The following SNX10 variants were observed in gnomAD, a reference collection of about 807,000 sequenced individuals.
SNX10 encodes the protein sorting nexin 10.
A neutral mutation model predicts 28.5 loss-of-function variants in SNX10; 25 were observed. The ratio of observed to expected loss-of-function variants is 0.88; its 90% CI spans 0.64 to 1.22. The LOEUF is 1.22. Among genes scored for constraint, SNX10 ranks in the 50% most tolerant of loss-of-function variants. The probability of loss-of-function intolerance (pLI) is 0.00; values close to 1 mark genes in which losing one functional copy is unlikely to be tolerated. For missense variants in SNX10, 223 were observed against 242.6 expected (o/e 0.92, Z 0.54); for synonymous variants, 62 against 81.4 (o/e 0.76, Z 1.28).
intron 1 of SNX10, among the ~76,000 whole-genome samples, chr7:26,334,915 C>T (rs1421306333): frequency 6.6e-6 from 1 of 152,202 alleles, no homozygotes; most frequent in Non-Finnish European, 1.5e-5. Context: ...GATGGTTCTG[C>T]TTGCTCTGCA....
intron 1 of SNX10, among the ~76,000 whole-genome samples, chr7:26,326,118 T>C (rs1161389574): frequency 6.6e-6 from 1 of 152,190 alleles, no homozygotes; most frequent in Non-Finnish European, 1.5e-5. Flanking sequence ...GGTGCCGATA[T>C]TTATCTCCAT....
chr7:26,335,999 G>A (rs1231097945), intron 1 of SNX10, among the ~76,000 whole-genome samples: 1 of 152,006 alleles, frequency 6.6e-6, no homozygotes, highest in Non-Finnish European at 1.5e-5. Context: ...CCAAAGTGCT[G>A]GGATTACAGG....
chr7:26,361,995 G>A (rs1042803653), intron 3 of SNX10, among the ~76,000 whole-genome samples: 1 of 152,182 alleles, frequency 6.6e-6, no homozygotes, highest in African/African-American at 2.4e-5. Flanking sequence ...GTAAAATTTA[G>A]CCATTATTTA....
Position 26,372,872 on chromosome 7 carries a change from T to A in SNX10, c.*300T>A, listed in dbSNP as rs1789622144. On this transcript the variant is annotated 3_prime_UTR_variant, in exon 7 of 7. Coordinates refer to ENST00000338523, the MANE Select transcript of SNX10 (RefSeq NM_013322.3). The stretch of plus-strand genomic sequence containing the variant: ...ACATGTTTTAAAAAACCGAGTTGGT[T>A]TTATTGAATTTAAAAAGATAGGTAA... The A allele has an allele frequency of 3.8e-6, 1 of 265,310 alleles. No homozygotes were observed. Among genetic ancestry groups the A allele is most frequent in the South Asian group, 6.9e-5 (1 of 14,566 alleles). The allele number at this position is 265,310 out of a possible 1,614,324, so 16.4% of individuals were successfully genotyped here.
At chr7:26,295,273 G>C (rs938883663) in intron 1 of SNX10, among the ~76,000 whole-genome samples, 4 of 151,864 alleles carry the variant, frequency 2.6e-5, no homozygotes, top group Non-Finnish European at 2.9e-5. Flanking sequence ...TGTTGCCCAG[G>C]CTGGTTTTGA....
intron 2 of SNX10, among the ~76,000 whole-genome samples, chr7:26,351,683 G>A (rs1191412065): frequency 8.3e-6 from 1 of 120,906 alleles, no homozygotes; most frequent in Non-Finnish European, 1.6e-5. Flanking sequence ...TTGAGACCGA[G>A]TCTCTCTCTG....
intron 1 of SNX10, among the ~76,000 whole-genome samples, chr7:26,294,695 T>A (rs556528222): frequency 6.6e-6 from 1 of 152,326 alleles, no homozygotes; most frequent in East Asian, 1.9e-4. Flanking sequence ...GTGTGTCAGA[T>A]TTCTGTTATA....
intron 1 of SNX10, among the ~76,000 whole-genome samples, chr7:26,329,039 G>A (rs1408845395): frequency 6.6e-6 from 1 of 152,180 alleles, no homozygotes; most frequent in Non-Finnish European, 1.5e-5. Flanking sequence ...CCCTGCTTCT[G>A]CTTTGGCCCC....
chr7:26,372,354 G>C lies in SNX10; in HGVS notation c.525-137G>C. On this transcript the variant is annotated intron_variant, in intron 6 of 6. Transcript: ENST00000338523. ...AAAATACCCAACTGCACTCCAAATG[G>C]CTAATTAAAAGTCCAAATTTCCTGT... The C allele has an allele frequency of 4.4e-6, 3 of 679,156 alleles. No individual in the cohort carries two copies. In the East Asian group the frequency reaches 7.5e-5, roughly 17 times the overall value. The allele number at this position is 679,156 out of a possible 1,614,324, so 42.1% of individuals were successfully genotyped here. A position where few individuals can be genotyped will look rare whatever the true frequency, so the allele number is the denominator to read the frequency against.
intron 1 of SNX10, among the ~76,000 whole-genome samples, chr7:26,303,816 G>C (rs1786467994): frequency 6.6e-6 from 1 of 152,160 alleles, no homozygotes; most frequent in Admixed American, 6.5e-5. Context: ...TGATCCAGAG[G>C]CTATGACACA....
intron 2 of SNX10, among the ~76,000 whole-genome samples, chr7:26,353,461 G>GT (rs201553239): frequency 0.29 from 12,320 of 41,824 alleles, 612 homozygotes; most frequent in South Asian, 0.48. Context: ...TTTTTTTTTT[G>GT]GTGGGGAGAC....
chr7:26,306,587 G>C (rs1291638390), intron 1 of SNX10, among the ~76,000 whole-genome samples: 1 of 151,814 alleles, frequency 6.6e-6, no homozygotes, highest in African/African-American at 2.4e-5. Flanking sequence ...TTGTATTTTT[G>C]TAGAGATGGG....
intron 3 of SNX10, among the ~76,000 whole-genome samples, chr7:26,363,972 G>A (rs1358549442): frequency 6.6e-6 from 1 of 152,140 alleles, no homozygotes; most frequent in Non-Finnish European, 1.5e-5. Flanking sequence ...CACGTACCAC[G>A]GTCATTCTCT....
chr7:26,314,264 AT>A (rs11352827), intron 1 of SNX10, among the ~76,000 whole-genome samples: 78,289 of 149,760 alleles, frequency 0.52, 20,557 homozygotes, highest in East Asian at 0.8. Context: ...CTACTGTTCA[AT>A]TTTTTTTTTT....
At chr7:26,327,120 T>G (rs1562797715) in intron 1 of SNX10, among the ~76,000 whole-genome samples, 1 of 152,158 alleles carries the variant, frequency 6.6e-6, no homozygotes, top group South Asian at 2.1e-4. Context: ...CTGGCTAATT[T>G]TTGTATTTTT....
intron 5 of SNX10, among the ~76,000 whole-genome samples, chr7:26,368,648 G>T (rs1165335560): frequency 6.6e-6 from 1 of 152,030 alleles, no homozygotes; most frequent in Non-Finnish European, 1.5e-5. Context: ...AAATATTAAG[G>T]AATATTAAAG....
At chr7:26,348,291 G>T (rs371874618) in intron 2 of SNX10, among the ~76,000 whole-genome samples, 1 of 152,054 alleles carries the variant, frequency 6.6e-6, no homozygotes, top group African/African-American at 2.4e-5. Context: ...GGAAATACCC[G>T]CCCATGAAGT....
At chr7:26,300,210 C>T (rs751715649) in intron 1 of SNX10, among the ~76,000 whole-genome samples, 1 of 151,404 alleles carries the variant, frequency 6.6e-6, no homozygotes, top group Non-Finnish European at 1.5e-5. Flanking sequence ...GACTCTGTCT[C>T]AAAAATAAAT....
chr7:26,346,084 G>A (rs1015960068), intron 1 of SNX10, among the ~76,000 whole-genome samples: 4 of 152,246 alleles, frequency 2.6e-5, no homozygotes, highest in Admixed American at 2.0e-4. Flanking sequence ...GCATCCCCCC[G>A]CACATGGCTT....
Sources: allele counts gnomAD v4.1 joint callset (sites outside exome capture counted in the v4.1 genomes callset), GRCh38; gene constraint gnomAD v4.1.1; transcripts MANE v1.5; gene names NCBI Gene and HGNC (gene_info 2026-07-23, HGNC 2026-07-21).